Variants in ARNT2 observed in about 807,000 individuals in gnomAD.
The protein encoded by ARNT2 is aryl hydrocarbon receptor nuclear translocator 2, also known as ARNT protein 2.
Under a neutral mutation model 91.7 loss-of-function variants are expected in ARNT2, and 36 were observed. That is an observed-to-expected ratio of 0.39 (90% confidence interval 0.30 to 0.52). ARNT2 has a LOEUF of 0.52. ARNT2 is among the 20% of genes least tolerant of loss of function. The probability of loss-of-function intolerance (pLI) is 0.72; values close to 1 mark genes in which losing one functional copy is unlikely to be tolerated. For missense variants in ARNT2, 775 were observed against 939.3 expected, an observed-to-expected ratio of 0.83 and a Z score of 2.29; for synonymous variants, 365 against 347.1, an observed-to-expected ratio of 1.05 and a Z score of -0.57.
intron 5 of ARNT2, among the ~76,000 whole-genome samples, chr15:80,482,479 G>A (rs1896905563): frequency 6.6e-6 from 1 of 152,274 alleles, no homozygotes; most frequent in African/African-American, 2.4e-5. Flanking sequence ...TGAAGTTACT[G>A]AGAAGTTCTC....
chr15:80,499,357 T>C (rs1055911160), intron 5 of ARNT2, among the ~76,000 whole-genome samples: 5 of 152,202 alleles, frequency 3.3e-5, no homozygotes, highest in Non-Finnish European at 7.3e-5. Context: ...ACCTAGCCCT[T>C]AGTAGAGTCC....
chr15:80,518,072 A>G (rs572429332), intron 8 of ARNT2, among the ~76,000 whole-genome samples: 16 of 152,098 alleles, frequency 1.1e-4, no homozygotes, highest in African/African-American at 3.6e-4. Flanking sequence ...CTTTGTTGAA[A>G]TCCAGACATG....
At chr15:80,580,186 T>C (rs1326844169) in intron 15 of ARNT2, 4 of 573,410 alleles carry the variant, frequency 7.0e-6, no homozygotes, top group Non-Finnish European at 6.3e-6. Flanking sequence ...ACCAGACTAC[T>C]AGACATGGCA....
intron 14 of ARNT2, among the ~76,000 whole-genome samples, chr15:80,576,479 G>GT (rs1430060185): frequency 1.3e-5 from 2 of 152,136 alleles, no homozygotes; most frequent in African/African-American, 4.8e-5. Context: ...GTTTCACCAT[G>GT]TTGGCCAGGC....
intron 5 of ARNT2, among the ~76,000 whole-genome samples, chr15:80,506,631 T>G (rs1897279159): frequency 6.6e-6 from 1 of 152,198 alleles, no homozygotes; most frequent in Non-Finnish European, 1.5e-5. Context: ...GGCAGAGGAC[T>G]CACAGGAGGC....
chr15:80,534,252 G>A (rs1897785820), intron 8 of ARNT2, among the ~76,000 whole-genome samples: 1 of 152,070 alleles, frequency 6.6e-6, no homozygotes. Flanking sequence ...GATGTACAAC[G>A]TGAGAAAATT....
intron 3 of ARNT2, among the ~76,000 whole-genome samples, chr15:80,458,379 C>T (rs1896508467): frequency 6.6e-6 from 1 of 151,992 alleles, no homozygotes; most frequent in South Asian, 2.1e-4. Flanking sequence ...CCCTAGAGTT[C>T]AAGTTTAGAA....
At position 80,440,191 on chromosome 15, in the gene ARNT2, C is replaced by T. The variant is rs139135331; in HGVS notation, c.32-10689C>T. Reference sequence around the variant, plus strand: ...CTGTGTGATTGATGACACACACTTTCTTCTGATGGTCTGCGGCTTCTAGGT... The same window carrying T: ...CTGTGTGATTGATGACACACACTTTTTTCTGATGGTCTGCGGCTTCTAGGT... On this transcript the variant is annotated intron_variant, in intron 1 of 18. Coordinates refer to ENST00000303329, the MANE Select transcript of ARNT2 (RefSeq NM_014862.4). Among the ~76,000 whole-genome samples, 571 of 152,316 alleles carry T rather than the reference C, an allele frequency of 3.7e-3. 3 individuals are homozygous for T. Among genetic ancestry groups the T allele is most frequent in the African/African-American group, 0.013 (532 of 41,566 alleles).
intron 1 of ARNT2, among the ~76,000 whole-genome samples, chr15:80,413,755 G>A (rs1895724247): frequency 6.6e-6 from 1 of 152,216 alleles, no homozygotes; most frequent in Non-Finnish European, 1.5e-5. Flanking sequence ...CAGCTCTTCG[G>A]GTAGAGCCAG....
intron 12 of ARNT2, among the ~76,000 whole-genome samples, chr15:80,573,368 T>C (rs557844371): frequency 3.9e-5 from 6 of 152,354 alleles, no homozygotes; most frequent in Non-Finnish European, 8.8e-5. Flanking sequence ...TGTCTGTTCA[T>C]ATGCTTTAAA....
intron 5 of ARNT2, among the ~76,000 whole-genome samples, chr15:80,476,619 T>C (rs182290564): frequency 1.2e-4 from 19 of 152,364 alleles, no homozygotes; most frequent in Non-Finnish European, 2.1e-4. Context: ...TTGCCCATAG[T>C]AGGCCTTCAG....
chr15:80,491,521 C>T (rs146794564), intron 5 of ARNT2, among the ~76,000 whole-genome samples: 43 of 152,226 alleles, frequency 2.8e-4, no homozygotes, highest in African/African-American at 1.0e-3. Flanking sequence ...AGCCATATCC[C>T]TTGCAGTGAG....
Position 80,580,473 on chromosome 15 carries a change from A to G in ARNT2, c.1676A>G (p.Asn559Ser). Residue 559 changes from asparagine to serine, a missense_variant, in exon 16 of 19, where the codon AAC becomes AGC. Coordinates refer to ENST00000303329, the MANE Select transcript of ARNT2 (RefSeq NM_014862.4). ...CAGTCCTCTTCTTCCACGGGCCAGA[A>G]CATGTCCCAAATCTCCCGGCAGCTA... The part of the protein sequence containing the change: ...DIQSSSSTGQ[N>S]MSQISRQLNQ... 1 of 1,614,174 alleles carries G rather than the reference A, an allele frequency of 6.2e-7. No homozygotes were observed. The highest frequency in any genetic ancestry group is 8.5e-7 in the Non-Finnish European group (1 of 1,180,028).
intron 8 of ARNT2, among the ~76,000 whole-genome samples, chr15:80,528,366 T>TTATA (rs1555412014): frequency 6.7e-6 from 1 of 148,768 alleles, no homozygotes; most frequent in Non-Finnish European, 1.5e-5. Flanking sequence ...ATTTGACCAT[T>TTATA]TATCTATCTA....
intron 8 of ARNT2, among the ~76,000 whole-genome samples, chr15:80,519,999 CT>C (rs79950273): frequency 0.014 from 1,784 of 132,064 alleles, 19 homozygotes; most frequent in African/African-American, 0.028. Flanking sequence ...TGCCTGGCCG[CT>C]TTTTTTTTTT....
intron 12 of ARNT2, among the ~76,000 whole-genome samples, chr15:80,566,109 T>G (rs1256654933): frequency 6.6e-6 from 1 of 152,162 alleles, no homozygotes; most frequent in Non-Finnish European, 1.5e-5. Context: ...GTAAAAGTGG[T>G]CTGCAGTAAC....
At position 80,560,389 on chromosome 15, in the gene ARNT2, T is replaced by C. The variant is rs181701306; in HGVS notation, c.1165-2699T>C. 2.0e-5 allele frequency among the ~76,000 whole-genome samples: 3 copies of C among 152,282 alleles called. No homozygotes were observed. In the East Asian group the frequency reaches 5.8e-4, roughly 29 times the overall value. ...AGTTTCCAGGTTCACAAAATGCTGT[T>C]ATGGGGACTGCTTGAGCTAACATGT... On this transcript the variant is annotated intron_variant, in intron 11 of 18. Transcript: ENST00000303329.
At chr15:80,417,868 A>C (rs913203249) in intron 1 of ARNT2, among the ~76,000 whole-genome samples, 4 of 152,160 alleles carry the variant, frequency 2.6e-5, no homozygotes, top group African/African-American at 9.7e-5. Context: ...AGAGGTGGAC[A>C]AGGCATTGCA....
chr15:80,546,682 T>C (rs1897996021), intron 8 of ARNT2, among the ~76,000 whole-genome samples: 1 of 152,078 alleles, frequency 6.6e-6, no homozygotes, highest in Admixed American at 6.6e-5. Context: ...ATAGAGGCAA[T>C]GGCTGGGCGC....
Sources: allele counts gnomAD v4.1 joint callset (sites outside exome capture counted in the v4.1 genomes callset), GRCh38; gene constraint gnomAD v4.1.1; transcripts MANE v1.5; gene names NCBI Gene and HGNC (gene_info 2026-07-23, HGNC 2026-07-21).